Variants in NRG1 observed in about 807,000 individuals in gnomAD.
NRG1 encodes neuregulin 1.
Under a neutral mutation model 63.8 loss-of-function variants are expected in NRG1, and 18 were observed. The observed-to-expected ratio is 0.28, with a 90% CI of 0.19 to 0.42. NRG1 has a LOEUF of 0.42. Among genes scored for constraint, NRG1 ranks in the 10% least tolerant of loss-of-function variants. The pLI is 1.00. For synonymous variants in NRG1, 302 were observed against 301.3 expected, an observed-to-expected ratio of 1.00 and a Z score of -0.02; for missense variants, 762 against 814.7, an observed-to-expected ratio of 0.94 and a Z score of 0.79.
chr8:32,452,792 T>C (rs916038886), intron 1 of NRG1, among the ~76,000 whole-genome samples: 1 of 152,222 alleles, frequency 6.6e-6, no homozygotes, highest in Non-Finnish European at 1.5e-5. Context: ...GTTCGAACTA[T>C]GTAAGAATAA....
chr8:31,681,987 G>A (rs1212169708), intron 1 of NRG1, among the ~76,000 whole-genome samples: 2 of 152,010 alleles, frequency 1.3e-5, no homozygotes, highest in Non-Finnish European at 2.9e-5. Context: ...TTACATTAGG[G>A]TCTGCTCTTA....
intron 1 of NRG1, among the ~76,000 whole-genome samples, chr8:32,453,321 T>C (rs1028759736): frequency 2.0e-5 from 3 of 152,218 alleles, no homozygotes; most frequent in South Asian, 2.1e-4. Flanking sequence ...ACAATCTACG[T>C]ATCAGAGCCT....
exon 12 of NRG1, chr8:32,767,492 G>C (rs1831520362): frequency 6.6e-6 from 1 of 152,060 alleles, no homozygotes; most frequent in Non-Finnish European, 1.5e-5. Context: ...CATATCACAA[G>C]TTCTATTATA....
intron 1 of NRG1, among the ~76,000 whole-genome samples, chr8:31,811,704 C>A (rs776988178): frequency 6.6e-6 from 1 of 151,888 alleles, no homozygotes; most frequent in South Asian, 2.1e-4. Flanking sequence ...GTGGACCATG[C>A]CTTTGATCAG....
chr8:31,878,317 T>A (rs1276294411), intron 1 of NRG1, among the ~76,000 whole-genome samples: 1 of 152,234 alleles, frequency 6.6e-6, no homozygotes, highest in Non-Finnish European at 1.5e-5. Context: ...TTAAATTTTG[T>A]ATACAGATAG....
At chr8:32,631,044 C>T (rs1850196653) in intron 5 of NRG1, among the ~76,000 whole-genome samples, 1 of 152,100 alleles carries the variant, frequency 6.6e-6, no homozygotes, top group Non-Finnish European at 1.5e-5. Flanking sequence ...GATTTCTAAA[C>T]AGGGCAGACC....
intron 1 of NRG1, among the ~76,000 whole-genome samples, chr8:31,873,596 TG>T (rs373684577): frequency 6.6e-5 from 10 of 152,122 alleles, no homozygotes; most frequent in African/African-American, 2.4e-4. Context: ...AGGAGGGGCA[TG>T]GGCTTGGATT....
At chr8:32,207,750 G>A (rs894512027) in intron 1 of NRG1, among the ~76,000 whole-genome samples, 3 of 152,114 alleles carry the variant, frequency 2.0e-5, no homozygotes, top group African/African-American at 7.2e-5. Flanking sequence ...CTGACTGTTT[G>A]ACTGAGAACA....
chr8:32,140,720 C>A (rs1836137895), intron 1 of NRG1, among the ~76,000 whole-genome samples: 1 of 152,096 alleles, frequency 6.6e-6, no homozygotes, highest in Non-Finnish European at 1.5e-5. Context: ...ACTTCAGCCT[C>A]CAAAAGTGCA....
chr8:31,788,234 T>C (rs1268403452), intron 1 of NRG1, among the ~76,000 whole-genome samples: 1 of 152,164 alleles, frequency 6.6e-6, no homozygotes, highest in Admixed American at 6.5e-5. Flanking sequence ...GAATGAGAGC[T>C]CTGTTAACAT....
intron 1 of NRG1, among the ~76,000 whole-genome samples, chr8:32,560,282 A>G (rs1409637754): frequency 6.6e-6 from 1 of 151,920 alleles, no homozygotes; most frequent in Non-Finnish European, 1.5e-5. Context: ...TTTGGCACTC[A>G]TGTATTTTAA....
chr8:32,008,797 C>T (rs1814238349), intron 1 of NRG1, among the ~76,000 whole-genome samples: 1 of 152,040 alleles, frequency 6.6e-6, no homozygotes, highest in Non-Finnish European at 1.5e-5. Context: ...CTTTCTGTGA[C>T]TCAAAGCTCC....
intron 1 of NRG1, among the ~76,000 whole-genome samples, chr8:32,393,705 G>A (rs1354971465): frequency 7.0e-6 from 1 of 142,494 alleles, no homozygotes; most frequent in Non-Finnish European, 1.5e-5. Flanking sequence ...ACACATAGAG[G>A]CAAACAAGAG....
chr8:31,641,499 A>G (rs1282487065), intron 1 of NRG1, among the ~76,000 whole-genome samples: 1 of 152,182 alleles, frequency 6.6e-6, no homozygotes, highest in Non-Finnish European at 1.5e-5. Context: ...ATTATTTGCT[A>G]CACCTTTTCC....
intron 1 of NRG1, among the ~76,000 whole-genome samples, chr8:31,784,908 A>G (rs1187285445): frequency 6.6e-6 from 1 of 152,174 alleles, no homozygotes; most frequent in Non-Finnish European, 1.5e-5. Flanking sequence ...GAAGCTTCCA[A>G]TGTTGTGTAT....
chr8:31,650,352 C>G (rs1408891689), intron 1 of NRG1, among the ~76,000 whole-genome samples: 1 of 152,176 alleles, frequency 6.6e-6, no homozygotes, highest in East Asian at 1.9e-4. Flanking sequence ...AACTCAAGAT[C>G]TCAACATTCA....
intron 1 of NRG1, among the ~76,000 whole-genome samples, chr8:32,578,573 A>AT (rs34387839): frequency 0.46 from 70,187 of 151,076 alleles, 16,479 homozygotes; most frequent in East Asian, 0.78. Context: ...TTGCTGATAG[A>AT]TTTTTTTTTC....
intron 1 of NRG1, among the ~76,000 whole-genome samples, chr8:32,009,920 C>G (rs1293364102): frequency 6.6e-6 from 1 of 151,672 alleles, no homozygotes; most frequent in African/African-American, 2.4e-5. Flanking sequence ...CCCTCCCCAC[C>G]CCACTCACTT....
intron 8 of NRG1, among the ~76,000 whole-genome samples, chr8:32,755,014 G>A (rs1291444835): frequency 6.6e-6 from 1 of 152,126 alleles, no homozygotes; most frequent in Non-Finnish European, 1.5e-5. Flanking sequence ...GCAGTTTTCT[G>A]AGTTATAGTG....
Sources: gnomAD v4.1 joint callset for allele counts (sites outside exome capture counted in the v4.1 genomes callset) on GRCh38, gnomAD v4.1.1 for gene constraint, MANE v1.5 for transcripts, NCBI Gene and HGNC (gene_info 2026-07-23, HGNC 2026-07-21) for gene names.